The following LRRFIP2 variants were observed in gnomAD, a reference collection of about 807,000 sequenced individuals.
LRRFIP2 encodes leucine-rich repeat flightless-interacting protein 2.
LRRFIP2 carries 109 observed loss-of-function variants against 125.9 expected under a neutral mutation model. That is an observed-to-expected ratio of 0.87 (90% CI 0.74 to 1.01). The LOEUF is 1.01. Ranked by LOEUF, LRRFIP2 falls within the 50% of genes least tolerant of loss-of-function variation. The pLI is 0.00. For synonymous variants in LRRFIP2, 291 were observed against 293.1 expected (o/e 0.99, Z 0.07); for missense variants, 850 against 862.3 (o/e 0.99, Z 0.18).
chr3:37,176,168 C>T (rs2096660336), upstream of LRRFIP2: 1 of 152,326 alleles, frequency 6.6e-6, no homozygotes, highest in Non-Finnish European at 1.5e-5. Context: ...AGCTGGACGA[C>T]TCAGTCCTGG....
At chr3:37,150,747 C>T (rs2096001510) in intron 1 of LRRFIP2, among the ~76,000 whole-genome samples, 1 of 152,124 alleles carries the variant, frequency 6.6e-6, no homozygotes, top group African/African-American at 2.4e-5. Flanking sequence ...ACAAAATAAA[C>T]CAGCAAAATT....
At chr3:37,079,768 A>C (rs1386346823) in intron 19 of LRRFIP2, among the ~76,000 whole-genome samples, 1 of 152,224 alleles carries the variant, frequency 6.6e-6, no homozygotes, top group East Asian at 1.9e-4. Context: ...GTATTGATAC[A>C]TGGTATAACA....
chr3:37,166,978 G>A (rs141414911), intron 1 of LRRFIP2, among the ~76,000 whole-genome samples: 17 of 152,040 alleles, frequency 1.1e-4, no homozygotes, highest in African/African-American at 4.1e-4. Flanking sequence ...TAGCGCCATT[G>A]CACTCCAGCC....
In LRRFIP2 at chr3:37,121,841, C is replaced by CGTGTGT. The variant is rs60540567; in HGVS notation, c.229-156_229-151dup. On this transcript the variant is annotated intron_variant, in intron 4 of 27. Coordinates refer to ENST00000336686, the MANE Select transcript of LRRFIP2 (RefSeq NM_006309.4). ...AACTTATCTTAGGGGCAGCCACATT[C>CGTGTGT]GTGTGTGTGTGTGTGTGTGTGTGTG... is the stretch of plus-strand genomic sequence containing the variant. 3.7e-4 allele frequency: 195 copies of CGTGTGT among 521,604 alleles called. 1 individual carries two copies. The highest frequency in any genetic ancestry group is 3.5e-3 in the African/African-American group (169 of 48,796). 32.3% of individuals were successfully genotyped at this position (521,604 alleles called of 1,614,324 possible).
In LRRFIP2 at chr3:37,053,930, A is replaced by G. The variant is rs369475687; in HGVS notation, c.2087T>C (p.Met696Thr). 6.2e-7 allele frequency: 1 copy of G among 1,613,744 alleles called. No homozygotes were observed. The highest frequency in any genetic ancestry group is 8.5e-7 in the Non-Finnish European group (1 of 1,179,676). Reference protein sequence around the residue: ...LRTALDKIEEMEMTNSHLAKR... With the variant: ...LRTALDKIEETEMTNSHLAKR... ...GGCCAGGTGGCTGTTGGTCATCTCC[A>G]TCTCCTCAATCTTGTCCAGTGCTGT... Residue 696 changes from methionine (M) to threonine (T), a missense_variant, in exon 28 of 28, where the codon ATG becomes ACG. Met to Thr is a moderately conservative substitution (Grantham distance 81). Transcript: ENST00000336686.
chr3:37,128,521 T>C lies in LRRFIP2; in HGVS notation c.177+542A>G, dbSNP rs139853530. Among the ~76,000 whole-genome samples the C allele has an allele frequency of 1.8e-4, 28 of 152,276 alleles. No individual in the cohort carries two copies. In the East Asian group the frequency reaches 3.7e-3, roughly 20 times the overall value. ...AGAAAAACCAACAATAATTCCACCA[T>C]AGACAAACTGCAGTATTAATAATCA... On this transcript the variant is annotated intron_variant, in intron 3 of 27. Coordinates refer to ENST00000336686, the MANE Select transcript of LRRFIP2 (RefSeq NM_006309.4).
At chr3:37,122,184 T>C (rs568279208) in intron 4 of LRRFIP2, among the ~76,000 whole-genome samples, 3 of 151,296 alleles carry the variant, frequency 2.0e-5, no homozygotes, top group Non-Finnish European at 2.9e-5. Flanking sequence ...TTTTTGTCCT[T>C]GCGACAGTTT....
At chr3:37,126,162 T>C (rs1160121652) in intron 4 of LRRFIP2, among the ~76,000 whole-genome samples, 2 of 152,124 alleles carry the variant, frequency 1.3e-5, no homozygotes, top group South Asian at 2.1e-4. Flanking sequence ...CCTGAGTAGC[T>C]GGGATTACAG....
intron 2 of LRRFIP2, among the ~76,000 whole-genome samples, chr3:37,140,943 G>C (rs2095681436): frequency 6.6e-6 from 1 of 151,588 alleles, no homozygotes; most frequent in Admixed American, 6.6e-5. Context: ...CTTATTTTAG[G>C]TTCTCATCAT....
intron 6 of LRRFIP2, among the ~76,000 whole-genome samples, chr3:37,117,596 C>T (rs1333144941): frequency 6.6e-6 from 1 of 151,626 alleles, no homozygotes; most frequent in African/African-American, 2.4e-5. Context: ...TTTTTTTTAA[C>T]TTTAAAAGTT....
intron 19 of LRRFIP2, among the ~76,000 whole-genome samples, chr3:37,083,390 A>G (rs1207304145): frequency 6.6e-6 from 1 of 152,120 alleles, no homozygotes; most frequent in Non-Finnish European, 1.5e-5. Flanking sequence ...TGAAGCTAAA[A>G]CTTGAGTTGT....
chr3:37,094,834 G>A lies in LRRFIP2; in HGVS notation c.993C>T (p.Thr331=). ...GNSSRRGSGD[T]SSLIDPDTSL... ...AAGTGTCTGGATCTATTAAGCTGCT[G>A]GTGTCCCCACTTCCTCGTCTGGATG... Residue 331 remains threonine, a synonymous_variant, in exon 17 of 28, where the codon ACC becomes ACT. Coordinates refer to ENST00000336686, the MANE Select transcript of LRRFIP2 (RefSeq NM_006309.4). 1 of 1,613,902 alleles carries A rather than the reference G, an allele frequency of 6.2e-7. No individual in the cohort carries two copies. Among genetic ancestry groups the A allele is most frequent in the Non-Finnish European group, 8.5e-7 (1 of 1,179,852 alleles).
intron 26 of LRRFIP2, among the ~76,000 whole-genome samples, 184 bp downstream of exon 26, chr3:37,054,902 C>T (rs2086376235): frequency 6.6e-6 from 1 of 152,146 alleles, no homozygotes; most frequent in African/African-American, 2.4e-5. Context: ...GCTATAGTTT[C>T]CTATGGTTTT....
At chr3:37,141,009 C>G (rs1340309303) in intron 2 of LRRFIP2, among the ~76,000 whole-genome samples, 12 of 152,104 alleles carry the variant, frequency 7.9e-5, no homozygotes, top group African/African-American at 2.9e-4. Context: ...CAAAGCAAAC[C>G]CCCATCTCTA....
chr3:37,151,786 C>T (rs1346178913), intron 1 of LRRFIP2, among the ~76,000 whole-genome samples: 9 of 151,962 alleles, frequency 5.9e-5, no homozygotes, highest in African/African-American at 2.2e-4. Context: ...TTAGTAGAAA[C>T]GGGGTTTCGC....
At chr3:37,172,144 T>G (rs2096594163) in intron 1 of LRRFIP2, among the ~76,000 whole-genome samples, 1 of 152,200 alleles carries the variant, frequency 6.6e-6, no homozygotes, top group Non-Finnish European at 1.5e-5. Context: ...TTTTCATAAC[T>G]TCAGTCTCAA....
intron 11 of LRRFIP2, among the ~76,000 whole-genome samples, chr3:37,109,260 G>C (rs998172210): frequency 2.0e-5 from 3 of 152,102 alleles, no homozygotes; most frequent in African/African-American, 7.2e-5. Context: ...ATGTGAGTGT[G>C]GTAGGACTCA....
At chr3:37,148,103 A>G (rs2095905189) in intron 2 of LRRFIP2, among the ~76,000 whole-genome samples, 1 of 152,220 alleles carries the variant, frequency 6.6e-6, no homozygotes, top group Admixed American at 6.5e-5. Context: ...CCCAATGAGT[A>G]TTTCTATAAT....
At chr3:37,155,454 C>G (rs1311056620) in intron 1 of LRRFIP2, among the ~76,000 whole-genome samples, 1 of 152,198 alleles carries the variant, frequency 6.6e-6, no homozygotes, top group Non-Finnish European at 1.5e-5. Flanking sequence ...AATGCCTTGA[C>G]TATAATCATT....
Sources: gnomAD v4.1 joint callset for allele counts (sites outside exome capture counted in the v4.1 genomes callset) on GRCh38, gnomAD v4.1.1 for gene constraint, MANE v1.5 for transcripts, NCBI Gene and HGNC (gene_info 2026-07-23, HGNC 2026-07-21) for gene names.